The following SPATA31D1 variants were observed in gnomAD, a reference collection of about 807,000 sequenced individuals.
SPATA31D1 encodes spermatogenesis-associated protein 31D1.
A neutral mutation model predicts 13.2 loss-of-function variants in SPATA31D1; 6 were observed. The ratio of observed to expected loss-of-function variants is 0.46; its 90% confidence interval spans 0.25 to 0.90. The LOEUF is 0.90. SPATA31D1 is among the 40% of genes least tolerant of loss of function. The probability of loss-of-function intolerance (pLI) is 0.18; values close to 1 mark genes in which losing one functional copy is unlikely to be tolerated. For synonymous variants in SPATA31D1, 903 were observed against 718.8 expected, an observed-to-expected ratio of 1.26 and a Z score of -4.10; for missense variants, 2,445 against 1,884.7, an observed-to-expected ratio of 1.30 and a Z score of -5.50.
Position 81,990,805 on chromosome 9 carries a change from G to T in SPATA31D1, c.335G>T (p.Gly112Val). 1 of 1,613,084 alleles carries T rather than the reference G, an allele frequency of 6.2e-7. No individual in the cohort carries two copies. The highest frequency in any genetic ancestry group is 1.6e-4 in the Middle Eastern group (1 of 6,062). The change falls in exon 4 of 4, where the codon GGC (glycine) becomes GTC (valine). Residue 112 changes from glycine (G) to valine (V), a missense_variant. Transcript: ENST00000344803. Reference sequence around the variant, plus strand: ...CCTCCTGTTTCCTGCAGTCCTCGGGGCCAGCATCATGATACCAACCACTTT... The same window carrying T: ...CCTCCTGTTTCCTGCAGTCCTCGGGTCCAGCATCATGATACCAACCACTTT... ...FGPPVSCSPR[G>V]QHHDTNHFRR...
At position 81,991,104 on chromosome 9, in the gene SPATA31D1, T is replaced by C. The variant is rs777671720; in HGVS notation, c.634T>C (p.Phe212Leu). Residue 212 changes from phenylalanine to leucine, a missense_variant, in exon 4 of 4, where the codon TTT becomes CTT. By Grantham distance (22) the Phe-to-Leu change is conservative (BLOSUM62 0). Transcript: ENST00000344803. ...CCTGATCACCACCTTAGCTGACTTA[T>C]TTTCACCCTCACCACTGAGGGACCC... The part of the protein sequence containing the change: ...PDLITTLADL[F>L]SPSPLRDPLP... 1.9e-6 allele frequency: 3 copies of C among 1,613,668 alleles called. No homozygotes were observed. Among genetic ancestry groups the C allele is most frequent in the South Asian group, 1.1e-5 (1 of 91,068 alleles).
At position 81,992,311 on chromosome 9, in the gene SPATA31D1, G is replaced by C. The variant is rs558888712; in HGVS notation, c.1841G>C (p.Arg614Pro). 1.9e-6 allele frequency: 3 copies of C among 1,613,776 alleles called. No homozygotes were observed. Among genetic ancestry groups the C allele is most frequent in the Admixed American group, 1.7e-5 (1 of 60,018 alleles). ...VCFHRPQNEA[R>P]SLLPSEINHL... ...TTTCATAGACCCCAGAACGAGGCAC[G>C]GTCTCTTTTGCCATCTGAAATTAAC... Residue 614 changes from arginine to proline, a missense_variant, in exon 4 of 4, where the codon CGG becomes CCG. Coordinates refer to ENST00000344803, the MANE Select transcript of SPATA31D1 (RefSeq NM_001001670.3).
chr9:81,990,301 C>T (rs1824924727), intron 2 of SPATA31D1, 116 bp from the exon 3 acceptor site: 1 of 711,736 alleles, frequency 1.4e-6, no homozygotes, highest in Admixed American at 3.0e-5. Flanking sequence ...TGACTATTTT[C>T]CCTTTTCTAC....
In SPATA31D1 at chr9:81,993,724, G is replaced by C. The variant is rs566094046; in HGVS notation, c.3254G>C (p.Gly1085Ala). ...GAAAGTGTCCGGACAACAGAGGATG[G>C]CAGACAGACTTTTCTGCCCCCGCCA... ...LTESVRTTED[G>A]RQTFLPPPHS... The change falls in exon 4 of 4, where the codon GGC (glycine) becomes GCC (alanine). Residue 1085 changes from glycine to alanine, a missense_variant. By Grantham distance (60) the Gly-to-Ala change is moderately conservative. Transcript: ENST00000344803. 10 of 1,613,850 alleles carry C rather than the reference G, an allele frequency of 6.2e-6. No individual in the cohort carries two copies. In the East Asian group the frequency reaches 2.0e-4, roughly 32 times the overall value.
At position 81,993,680 on chromosome 9, in the gene SPATA31D1, T is replaced by TA. The variant is rs776224910; in HGVS notation, c.3211dup (p.Thr1071AsnfsTer2). ...GGACCCTGAGAAGAGAATTCTCTGA[T>TA]ACTGACAATGATCTTACAGAAAGTG... On this transcript the variant is annotated frameshift_variant, in exon 4 of 4. Coordinates refer to ENST00000344803, the MANE Select transcript of SPATA31D1 (RefSeq NM_001001670.3). LOFTEE classifies it low-confidence loss of function (END_TRUNC). The TA allele has an allele frequency of 2.3e-5, 37 of 1,614,024 alleles. No homozygotes were observed. The South Asian group carries it at 4.1e-4, about 18-fold the overall frequency.
chr9:81,989,060 C>T, intron 1 of SPATA31D1, 56 bp downstream of exon 1: 2 of 1,587,794 alleles, frequency 1.3e-6, no homozygotes, highest in Non-Finnish European at 1.7e-6. Flanking sequence ...TTTCCCAATC[C>T]TATTCCAACA....
chr9:81,995,239 A>G lies in SPATA31D1; in HGVS notation c.*38A>G, dbSNP rs1825075171. ...TGAGAATCTTGATTCTCCCCAATAA[A>G]TGTTCCAATAAGAAGGATGTCTTTT... is the stretch of plus-strand genomic sequence containing the variant. On this transcript the variant is annotated 3_prime_UTR_variant, in exon 4 of 4. Transcript: ENST00000344803. The G allele has an allele frequency of 3.4e-6, 5 of 1,456,062 alleles. No individual in the cohort carries two copies. Among genetic ancestry groups the G allele is most frequent in the Non-Finnish European group, 3.6e-6 (4 of 1,100,022 alleles). 90.2% of individuals were successfully genotyped at this position (1,456,062 alleles called of 1,614,324 possible).
Position 81,991,783 on chromosome 9 carries a change from T to C in SPATA31D1, c.1313T>C (p.Phe438Ser), listed in dbSNP as rs757412580. Residue 438 changes from phenylalanine to serine, a missense_variant, in exon 4 of 4, where the codon TTC becomes TCC. Phe to Ser is a radical substitution (Grantham distance 155, BLOSUM62 -2). Coordinates refer to ENST00000344803, the MANE Select transcript of SPATA31D1 (RefSeq NM_001001670.3). Reference sequence around the variant, plus strand: ...GAAAATGGAAAGAAACCAGGATCATTCCCAAAACAACTTAGGCCAAACTAC... The same window carrying C: ...GAAAATGGAAAGAAACCAGGATCATCCCCAAAACAACTTAGGCCAAACTAC... ...WKENGKKPGS[F>S]PKQLRPNYQL... 6.2e-7 allele frequency: 1 copy of C among 1,613,782 alleles called. No individual in the cohort carries two copies. Among genetic ancestry groups the C allele is most frequent in the South Asian group, 1.1e-5 (1 of 91,078 alleles).
upstream of SPATA31D1, among the ~76,000 whole-genome samples, chr9:81,988,372 T>C (rs1824890081): frequency 6.6e-6 from 1 of 152,192 alleles, no homozygotes; most frequent in South Asian, 2.1e-4. Context: ...AGAAACGTTC[T>C]GTAGGTAAGA....
chr9:81,992,041 G>T lies in SPATA31D1; in HGVS notation c.1571G>T (p.Gly524Val), dbSNP rs1430296431. The stretch of plus-strand genomic sequence containing the variant: ...CATCCTACTGTTCTTGTCCAACGTG[G>T]CCATTCCTCCATGTTTGTATTCTTC... Reference protein sequence around the residue: ...SLHPTVLVQRGHSSMFVFFNG... With the variant: ...SLHPTVLVQRVHSSMFVFFNG... Residue 524 changes from glycine (G) to valine (V), a missense_variant, in exon 4 of 4, where the codon GGC becomes GTC. By Grantham distance (109) the Gly-to-Val change is moderately radical. Transcript: ENST00000344803. 10 of 1,613,698 alleles carry T rather than the reference G, an allele frequency of 6.2e-6. No individual in the cohort carries two copies. The highest frequency in any genetic ancestry group is 8.5e-6 in the Non-Finnish European group (10 of 1,179,716).
chr9:81,988,286 A>C (rs1587525383), upstream of SPATA31D1, among the ~76,000 whole-genome samples: 2 of 152,334 alleles, frequency 1.3e-5, no homozygotes, highest in East Asian at 3.9e-4. Flanking sequence ...CAAAACAAAA[A>C]ATGTAATGTT....
Position 81,989,017 on chromosome 9 carries a change from G to C in SPATA31D1, c.186+13G>C. On this transcript the variant is annotated intron_variant, in intron 1 of 3. Coordinates refer to ENST00000344803, the MANE Select transcript of SPATA31D1 (RefSeq NM_001001670.3). ...TGACATCCAAAAGGTAAGGAACTGTGGGTGAACACCCAAGAGAGATGCCCT... is the reference window on the plus strand; with the variant it reads ...TGACATCCAAAAGGTAAGGAACTGTCGGTGAACACCCAAGAGAGATGCCCT... 1 of 1,611,032 alleles carries C rather than the reference G, an allele frequency of 6.2e-7. No individual in the cohort carries two copies. Among genetic ancestry groups the C allele is most frequent in the Non-Finnish European group, 8.5e-7 (1 of 1,179,348 alleles).
At position 81,994,697 on chromosome 9, in the gene SPATA31D1, T is replaced by G. The variant is rs757748387; in HGVS notation, c.4227T>G (p.Thr1409=). 50 of 1,613,534 alleles carry G rather than the reference T, an allele frequency of 3.1e-5. No individual in the cohort carries two copies. In the African/African-American group the frequency reaches 5.7e-4, roughly 19 times the overall value. ...TTEAQKIRKD[T]REFLEEKLGH... is the part of the protein sequence containing the mutation. ...AAGCTCAGAAAATTAGGAAAGACAC[T>G]AGGGAGTTCCTAGAAGAGAAGCTGG... The change falls in exon 4 of 4, where the codon ACT becomes ACG. Residue 1409 remains threonine (T), a synonymous_variant. Coordinates refer to ENST00000344803, the MANE Select transcript of SPATA31D1 (RefSeq NM_001001670.3).
rs762807756 is a variant in SPATA31D1, at chr9:81,993,789, C to T, written c.3319C>T (p.Leu1107=). The T allele has an allele frequency of 1.4e-5, 22 of 1,613,894 alleles. No individual in the cohort carries two copies. Among genetic ancestry groups the T allele is most frequent in the Non-Finnish European group, 1.4e-5 (16 of 1,179,900 alleles). Reference sequence around the variant, plus strand: ...CGAAGTCAGTCAGAAACAGACTGTACTGGCCAGTAGATGCAGCGCAGAGCT... The same window carrying T: ...CGAAGTCAGTCAGAAACAGACTGTATTGGCCAGTAGATGCAGCGCAGAGCT... The part of the protein sequence containing the change: ...VDEVSQKQTV[L]ASRCSAELPI... Residue 1107 remains leucine, a synonymous_variant, in exon 4 of 4, where the codon CTG becomes TTG. Coordinates refer to ENST00000344803, the MANE Select transcript of SPATA31D1 (RefSeq NM_001001670.3).
rs750923092 is a variant in SPATA31D1, at chr9:81,992,265, A to T, written c.1795A>T (p.Ile599Phe). 2 of 1,613,714 alleles carry T rather than the reference A, an allele frequency of 1.2e-6. No individual in the cohort carries two copies. The highest frequency in any genetic ancestry group is 4.5e-5 in the East Asian group (2 of 44,866). The change falls in exon 4 of 4, where the codon ATT becomes TTT. Residue 599 changes from isoleucine to phenylalanine, a missense_variant. Physicochemically the swap from Ile to Phe is conservative, Grantham distance 21. Transcript: ENST00000344803. ...CCTACTACCTAGTCCTCTATTCCTG[A>T]TTAGGATCTGTGGAGTGTGTTTTCA... ...RALLPSPLFL[I>F]RICGVCFHRP...
At position 81,988,965 on chromosome 9, in the gene SPATA31D1, G is replaced by A. The variant is rs1461692379; in HGVS notation, c.147G>A (p.Leu49=). ...ACTTGTTCTACGTGGTATTGACCCT[G>A]TATTCGTCACCCACCGAAAAAAATA... ...ILYLFYVVLT[L]YSSPTEKNND... The change falls in exon 1 of 4, where the codon CTG becomes CTA. Residue 49 remains leucine (L), a synonymous_variant. Coordinates refer to ENST00000344803, the MANE Select transcript of SPATA31D1 (RefSeq NM_001001670.3). 1 of 1,611,574 alleles carries A rather than the reference G, an allele frequency of 6.2e-7. No individual in the cohort carries two copies. Among genetic ancestry groups the A allele is most frequent in the Non-Finnish European group, 8.5e-7 (1 of 1,179,672 alleles).
chr9:81,995,057 C>G lies in SPATA31D1; in HGVS notation c.4587C>G (p.Pro1529=). The stretch of plus-strand genomic sequence containing the variant: ...GGAAGCCTGTGCCACATCCAAACCC[C>G]ACTTGCCGGCGTCAGGTCAGCCTGG... ...PHRKPVPHPN[P]TCRRQVSLVC... is the part of the protein sequence containing the mutation. Residue 1529 remains proline (P), a synonymous_variant, in exon 4 of 4, where the codon CCC becomes CCG. Coordinates refer to ENST00000344803, the MANE Select transcript of SPATA31D1 (RefSeq NM_001001670.3). 1 of 1,613,640 alleles carries G rather than the reference C, an allele frequency of 6.2e-7. No individual in the cohort carries two copies. Among genetic ancestry groups the G allele is most frequent in the African/African-American group, 1.3e-5 (1 of 75,038 alleles).
At position 81,994,666 on chromosome 9, in the gene SPATA31D1, C is replaced by T. The variant is rs758954104; in HGVS notation, c.4196C>T (p.Thr1399Ile). The T allele has an allele frequency of 6.2e-6, 10 of 1,613,434 alleles. No homozygotes were observed. The highest frequency in any genetic ancestry group is 7.6e-6 in the Non-Finnish European group (9 of 1,179,672). ...GRVIRAAFTG[T>I]TEAQKIRKDT... ...GTTATAAGAGCTGCCTTTACTGGGACTACTGAAGCTCAGAAAATTAGGAAA... is the reference window on the plus strand; with the variant it reads ...GTTATAAGAGCTGCCTTTACTGGGATTACTGAAGCTCAGAAAATTAGGAAA... Residue 1399 changes from threonine to isoleucine, a missense_variant, in exon 4 of 4, where the codon ACT (threonine) becomes ATT (isoleucine). Coordinates refer to ENST00000344803, the MANE Select transcript of SPATA31D1 (RefSeq NM_001001670.3).
chr9:81,992,700 G>A lies in SPATA31D1; in HGVS notation c.2230G>A (p.Val744Ile), dbSNP rs768478334. 6.2e-6 allele frequency: 10 copies of A among 1,613,840 alleles called. No individual in the cohort carries two copies. In the East Asian group the frequency reaches 1.8e-4, roughly 29 times the overall value. Reference protein sequence around the residue: ...ISLVEGQRCNVLKKSASSFPR... With the variant: ...ISLVEGQRCNILKKSASSFPR... ...TTTGGTTGAGGGTCAGAGGTGCAAT[G>A]TTCTAAAGAAGTCCGCATCAAGCTT... The change falls in exon 4 of 4, where the codon GTT (valine) becomes ATT (isoleucine). Residue 744 changes from valine to isoleucine, a missense_variant. By Grantham distance (29) the Val-to-Ile change is conservative. Transcript: ENST00000344803.
Sources: allele counts gnomAD v4.1 joint callset (sites outside exome capture counted in the v4.1 genomes callset), GRCh38; gene constraint gnomAD v4.1.1; transcripts MANE v1.5; gene names NCBI Gene and HGNC (gene_info 2026-07-23, HGNC 2026-07-21).